The following UPRT variants were observed in gnomAD, a reference collection of about 807,000 sequenced individuals.
The protein encoded by UPRT is RP11-311P8.3.
Under a neutral mutation model 22.6 loss-of-function variants are expected in UPRT, and 5 were observed. The observed-to-expected ratio is 0.22, with a 90% CI of 0.12 to 0.47. UPRT has a LOEUF of 0.47. Among genes scored for constraint, UPRT ranks in the 20% least tolerant of loss-of-function variants. The pLI, the probability that UPRT is intolerant of heterozygous loss-of-function variation, is 0.99. For missense variants in UPRT, 181 were observed against 239.9 expected, an observed-to-expected ratio of 0.75 and a Z score of 1.62; for synonymous variants, 77 against 87.7, an observed-to-expected ratio of 0.88 and a Z score of 0.68.
At chrX:75,176,005 C>T (rs1290257216) in intron 4 of UPRT, among the ~76,000 whole-genome samples, 1 of 111,475 alleles carries the variant, frequency 9.0e-6, no homozygotes, top group Admixed American at 9.5e-5. Flanking sequence ...GGGTGATAAA[C>T]TTATCTTTTA....
chrX:75,183,005 T>G (rs1206865046), intron 4 of UPRT, among the ~76,000 whole-genome samples: 1 of 110,603 alleles, frequency 9.0e-6, no homozygotes, highest in Non-Finnish European at 1.9e-5. Context: ...TCCTTCTTTT[T>G]TATTTTACTT....
At chrX:75,298,902 C>T (rs2082735183) in intron 4 of UPRT, among the ~76,000 whole-genome samples, 1 of 111,924 alleles carries the variant, frequency 8.9e-6, no homozygotes, top group Non-Finnish European at 1.9e-5. Flanking sequence ...TTGCTTATAA[C>T]CTTAATAGCC....
At chrX:75,254,441 C>T (rs1439898883) in intron 4 of UPRT, among the ~76,000 whole-genome samples, 3 of 111,602 alleles carry the variant, frequency 2.7e-5, no homozygotes, top group South Asian at 3.7e-4. Context: ...AGTCAGAGCT[C>T]GAAGATAATG....
intron 1 of UPRT, chrX:75,156,611 G>T (rs2082180363): frequency 2.6e-6 from 1 of 386,330 alleles, no homozygotes; most frequent in African/African-American, 2.5e-5. Context: ...CCCAAATATT[G>T]TATCTGCTAA....
chrX:75,264,275 C>T (rs1049163029), intron 4 of UPRT, among the ~76,000 whole-genome samples: 1 of 111,330 alleles, frequency 9.0e-6, no homozygotes, highest in African/African-American at 3.3e-5. Flanking sequence ...TCCTGGAGAT[C>T]CTTGTTAACT....
At chrX:75,170,791 A>G (rs775496130) in intron 4 of UPRT, among the ~76,000 whole-genome samples, 4 of 111,103 alleles carry the variant, frequency 3.6e-5, no homozygotes, top group African/African-American at 6.6e-5. Flanking sequence ...AAATTCTGTC[A>G]GTATTTGTTT....
chrX:75,183,484 T>C (rs1470114373), intron 4 of UPRT, among the ~76,000 whole-genome samples: 1 of 112,043 alleles, frequency 8.9e-6, no homozygotes, highest in Non-Finnish European at 1.9e-5. Flanking sequence ...AGTAAACATA[T>C]GTGTGCATGT....
chrX:75,209,776 C>T (rs2082375679), intron 4 of UPRT, among the ~76,000 whole-genome samples: 1 of 112,498 alleles, frequency 8.9e-6, no homozygotes, highest in Non-Finnish European at 1.9e-5. Context: ...AAACAGGCTT[C>T]TGGCAGTGAC....
chrX:75,174,828 A>G (rs1602437722), intron 4 of UPRT, among the ~76,000 whole-genome samples: 1 of 111,513 alleles, frequency 9.0e-6, no homozygotes, highest in Non-Finnish European at 1.9e-5. Flanking sequence ...CTGTGTAGAT[A>G]GAAATTTACC....
At chrX:75,182,322 T>C (rs899250131) in intron 4 of UPRT, among the ~76,000 whole-genome samples, 4 of 111,947 alleles carry the variant, frequency 3.6e-5, no homozygotes, top group African/African-American at 1.3e-4. Flanking sequence ...TTTTCTTTTA[T>C]TTGGTGTGTT....
upstream of UPRT, among the ~76,000 whole-genome samples, chrX:75,271,477 C>A (rs757374461): frequency 1.8e-5 from 2 of 112,035 alleles, no homozygotes; most frequent in East Asian, 5.6e-4. Context: ...CATCTCTCAC[C>A]TCATACAAAA....
chrX:75,235,816 C>G (rs992987177), intron 4 of UPRT, among the ~76,000 whole-genome samples: 1 of 111,496 alleles, frequency 9.0e-6, no homozygotes, highest in Non-Finnish European at 1.9e-5. Flanking sequence ...TAAGAGCTAT[C>G]TATGACAAAC....
At chrX:75,254,792 G>A (rs187204647) in intron 4 of UPRT, among the ~76,000 whole-genome samples, 1,365 of 93,100 alleles carry the variant, frequency 0.015, 48 homozygotes, top group African/African-American at 0.055. Context: ...TTTTTGAGAC[G>A]GAGTCTCGCT....
chrX:75,173,461 T>G (rs1428026289), intron 4 of UPRT, among the ~76,000 whole-genome samples: 2 of 112,115 alleles, frequency 1.8e-5, no homozygotes, highest in Non-Finnish European at 3.8e-5. Context: ...TGCTGATTGG[T>G]GTGTTTACAA....
At chrX:75,192,873 T>A (rs1379750160) in intron 4 of UPRT, among the ~76,000 whole-genome samples, 1 of 112,101 alleles carries the variant, frequency 8.9e-6, no homozygotes. Flanking sequence ...GGGATGGGTC[T>A]CTTGAATACA....
At chrX:75,234,882 A>G (rs754088764) in intron 4 of UPRT, among the ~76,000 whole-genome samples, 5 of 111,590 alleles carry the variant, frequency 4.5e-5, no homozygotes, top group African/African-American at 1.3e-4. Context: ...AAGAACTAGG[A>G]AAGCAAGAGC....
chrX:75,242,939 T>G (rs2082493093), intron 4 of UPRT, among the ~76,000 whole-genome samples: 1 of 111,787 alleles, frequency 8.9e-6, no homozygotes, highest in Non-Finnish European at 1.9e-5. Flanking sequence ...TATTAGTACA[T>G]GCAAATGGTT....
chrX:75,267,260 G>A (rs181294522), intron 4 of UPRT, among the ~76,000 whole-genome samples: 6 of 111,962 alleles, frequency 5.4e-5, no homozygotes, highest in East Asian at 2.8e-4. Flanking sequence ...AAAAGGATGA[G>A]CTCATGACCT....
intron 4 of UPRT, among the ~76,000 whole-genome samples, chrX:75,191,254 G>T (rs920678138): frequency 1.8e-5 from 2 of 112,418 alleles, no homozygotes; most frequent in African/African-American, 6.5e-5. Context: ...TCCAGACCCT[G>T]TTTGCCTGGT....
Sources: gnomAD v4.1 joint callset for allele counts (sites outside exome capture counted in the v4.1 genomes callset) on GRCh38, gnomAD v4.1.1 for gene constraint, MANE v1.5 for transcripts, NCBI Gene and HGNC (gene_info 2026-07-23, HGNC 2026-07-21) for gene names.